SRPK2: variants seen among roughly 807,000 people sequenced by gnomAD.
SRPK2 encodes the protein SRSF protein kinase 2.
Under a neutral mutation model 90.8 loss-of-function variants are expected in SRPK2, and 21 were observed. The observed-to-expected ratio is 0.23, with a 90% confidence interval of 0.16 to 0.33. The LOEUF (loss-of-function observed/expected upper bound fraction) is 0.33. Among genes scored for constraint, SRPK2 ranks in the 10% least tolerant of loss-of-function variants. The pLI, the probability that SRPK2 is intolerant of heterozygous loss-of-function variation, is 1.00. For synonymous variants in SRPK2, 288 were observed against 311.1 expected, an observed-to-expected ratio of 0.93 and a Z score of 0.78; for missense variants, 620 against 869.0, an observed-to-expected ratio of 0.71 and a Z score of 3.60.
At chr7:105,339,247 T>C (rs1374358122) in intron 2 of SRPK2, among the ~76,000 whole-genome samples, 1 of 152,208 alleles carries the variant, frequency 6.6e-6, no homozygotes, top group Non-Finnish European at 1.5e-5. Flanking sequence ...CCAAAATACA[T>C]GCCCTCAGGA....
intron 7 of SRPK2, among the ~76,000 whole-genome samples, chr7:105,157,282 C>T (rs1323334662): frequency 6.6e-6 from 1 of 152,028 alleles, no homozygotes; most frequent in Non-Finnish European, 1.5e-5. Flanking sequence ...GGAACATGGT[C>T]GGTTATCCAT....
intron 2 of SRPK2, among the ~76,000 whole-genome samples, chr7:105,250,580 G>A (rs181612030): frequency 4.6e-5 from 7 of 152,278 alleles, no homozygotes; most frequent in East Asian, 3.9e-4. Context: ...TTTTAAGTTC[G>A]AAATTACAAA....
chr7:105,213,099 AATCT>A (rs1362525425), intron 2 of SRPK2, among the ~76,000 whole-genome samples: 1 of 152,184 alleles, frequency 6.6e-6, no homozygotes, highest in East Asian at 1.9e-4. Context: ...TCCTGGAACC[AATCT>A]CCCACAAATA....
At chr7:105,268,195 G>A (rs1037215131) in intron 2 of SRPK2, among the ~76,000 whole-genome samples, 1 of 152,094 alleles carries the variant, frequency 6.6e-6, no homozygotes, top group Non-Finnish European at 1.5e-5. Flanking sequence ...AAATACTTCT[G>A]AGTCATTTTG....
At chr7:105,167,349 T>C (rs1404852778) in intron 6 of SRPK2, 28 bp downstream of exon 6, 1 of 1,581,318 alleles carries the variant, frequency 6.3e-7, no homozygotes, top group Non-Finnish European at 8.7e-7. Context: ...AAGGTAAAAA[T>C]ACAAATAAAT....
At chr7:105,386,827 G>T (rs1821672305) in intron 2 of SRPK2, among the ~76,000 whole-genome samples, 1 of 152,186 alleles carries the variant, frequency 6.6e-6, no homozygotes, top group South Asian at 2.1e-4. Context: ...ACAGACTAGA[G>T]CCAGTTCGTT....
intron 6 of SRPK2, among the ~76,000 whole-genome samples, chr7:105,160,832 T>G (rs1236205189): frequency 6.6e-6 from 1 of 152,080 alleles, no homozygotes; most frequent in Non-Finnish European, 1.5e-5. Context: ...AGGAGATTGG[T>G]TCCAGGACCG....
At chr7:105,370,610 TTC>T (rs1819583741) in intron 2 of SRPK2, among the ~76,000 whole-genome samples, 1 of 131,418 alleles carries the variant, frequency 7.6e-6, no homozygotes, top group Non-Finnish European at 1.7e-5. Flanking sequence ...TTAATTTTTT[TTC>T]TTTCTTTTTT....
chr7:105,298,797 G>A (rs2131202118), intron 2 of SRPK2: 2 of 985,598 alleles, frequency 2.0e-6, no homozygotes, highest in South Asian at 4.7e-5. Context: ...ACCTCCCGCT[G>A]TAAGGAGGGC....
At chr7:105,249,623 T>G (rs564026503) in intron 2 of SRPK2, among the ~76,000 whole-genome samples, 2 of 152,192 alleles carry the variant, frequency 1.3e-5, no homozygotes, top group Non-Finnish European at 2.9e-5. Context: ...ATTCACCATT[T>G]TGGGCATCAG....
At chr7:105,340,385 T>C (rs1398592168) in intron 2 of SRPK2, among the ~76,000 whole-genome samples, 1 of 150,848 alleles carries the variant, frequency 6.6e-6, no homozygotes, top group Admixed American at 6.6e-5. Context: ...ATATACAACA[T>C]TTTCTTTTCT....
rs372783040 is a variant in SRPK2, at chr7:105,169,275, CAAGA to C, written c.230-14_230-11del. 3.2e-3 allele frequency: 5,116 copies of C among 1,601,818 alleles called. 19 individuals are homozygous for C. Among genetic ancestry groups the C allele is most frequent in the Middle Eastern group, 9.2e-3 (55 of 6,002 alleles). ...ACTGGATGATATCCACCTTAAAAAA[CAAGA>C]AAGAAAGAAAAAAATTCAAAATATT... On this transcript the variant is annotated splice_polypyrimidine_tract_variant and intron_variant, in intron 3 of 15. Coordinates refer to ENST00000393651, the MANE Select transcript of SRPK2 (RefSeq NM_182692.3).
chr7:105,220,262 G>C (rs1797933513), intron 2 of SRPK2, among the ~76,000 whole-genome samples: 1 of 152,016 alleles, frequency 6.6e-6, no homozygotes, highest in Non-Finnish European at 1.5e-5. Context: ...GCTTGTGCCG[G>C]GTGTGGTGGC....
exon 1 of SRPK2, chr7:105,399,162 T>C (rs2132930942): frequency 6.6e-6 from 1 of 152,352 alleles, no homozygotes; most frequent in East Asian, 1.9e-4. Context: ...TCACAGTTTT[T>C]GTGGTCCAGC....
chr7:105,315,849 ATT>A (rs1307993469), intron 2 of SRPK2, among the ~76,000 whole-genome samples: 1 of 152,108 alleles, frequency 6.6e-6, no homozygotes, highest in Non-Finnish European at 1.5e-5. Context: ...TGCATAATAA[ATT>A]TTTGTTAATT....
Position 105,380,324 on chromosome 7 carries a change from G to A in SRPK2, c.71+8324C>T, listed in dbSNP as rs1820793169. Among the ~76,000 whole-genome samples, 4 of 152,064 alleles carry A rather than the reference G, an allele frequency of 2.6e-5. No homozygotes were observed. In the South Asian group the frequency reaches 8.3e-4, roughly 32 times the overall value. ...TTTCTGTATTTTTAGTAGAGACGGGGTTTCATCATGTTGGCCAGGCTGGTC... is the reference window on the plus strand; with the variant it reads ...TTTCTGTATTTTTAGTAGAGACGGGATTTCATCATGTTGGCCAGGCTGGTC... On this transcript the variant is annotated intron_variant, in intron 2 of 15. Coordinates refer to ENST00000393651, the MANE Select transcript of SRPK2 (RefSeq NM_182692.3).
At chr7:105,227,557 T>C (rs1194874306) in intron 2 of SRPK2, among the ~76,000 whole-genome samples, 1 of 152,050 alleles carries the variant, frequency 6.6e-6, no homozygotes, top group Non-Finnish European at 1.5e-5. Context: ...GTAGGATAAC[T>C]ACAAGTAAAA....
At chr7:105,288,634 A>C (rs974468608) in intron 2 of SRPK2, among the ~76,000 whole-genome samples, 15 of 152,164 alleles carry the variant, frequency 9.9e-5, no homozygotes, top group Non-Finnish European at 2.9e-5. Flanking sequence ...ATATAAAAAC[A>C]TATTAATTAA....
intron 3 of SRPK2, among the ~76,000 whole-genome samples, chr7:105,192,455 C>T (rs1329455006): frequency 1.3e-5 from 2 of 152,212 alleles, no homozygotes; most frequent in African/African-American, 4.8e-5. Flanking sequence ...TATTGAGGGA[C>T]ATTTGGGTTG....
Sources: gnomAD v4.1 joint callset for allele counts (sites outside exome capture counted in the v4.1 genomes callset) on GRCh38, gnomAD v4.1.1 for gene constraint, MANE v1.5 for transcripts, NCBI Gene and HGNC (gene_info 2026-07-23, HGNC 2026-07-21) for gene names.